Variants in CPNE8 observed in about 807,000 individuals in gnomAD.
CPNE8 encodes the protein copine-8.
A neutral mutation model predicts 81.5 loss-of-function variants in CPNE8; 45 were observed. That is an observed-to-expected ratio of 0.55 (90% CI 0.44 to 0.71). CPNE8 has a LOEUF of 0.71. CPNE8 is among the 30% of genes least tolerant of loss of function. CPNE8 has a pLI of 0.00. For synonymous variants in CPNE8, 252 were observed against 226.3 expected, an observed-to-expected ratio of 1.11 and a Z score of -1.02; for missense variants, 594 against 672.1, an observed-to-expected ratio of 0.88 and a Z score of 1.28.
chr12:38,673,334 C>T (rs1439009482), intron 18 of CPNE8, among the ~76,000 whole-genome samples: 1 of 152,020 alleles, frequency 6.6e-6, no homozygotes, highest in Non-Finnish European at 1.5e-5. Flanking sequence ...ATACAATTTG[C>T]CAGTTGGATT....
At chr12:38,901,387 G>C (rs1944460011) in intron 1 of CPNE8, among the ~76,000 whole-genome samples, 1 of 152,136 alleles carries the variant, frequency 6.6e-6, no homozygotes, top group Non-Finnish European at 1.5e-5. Context: ...CAGTGAAATA[G>C]TGCAACAAAA....
At chr12:38,743,014 C>T (rs1408805884) in intron 10 of CPNE8, among the ~76,000 whole-genome samples, 2 of 151,932 alleles carry the variant, frequency 1.3e-5, no homozygotes, top group Non-Finnish European at 2.9e-5. Flanking sequence ...CCCTCCATAG[C>T]ATAGCATACA....
At chr12:38,790,180 A>G (rs1227027992) in intron 6 of CPNE8, among the ~76,000 whole-genome samples, 1 of 151,806 alleles carries the variant, frequency 6.6e-6, no homozygotes, top group Non-Finnish European at 1.5e-5. Flanking sequence ...AGCACTGTTT[A>G]CAACAGTCAA....
At chr12:38,865,880 T>A (rs1331015749) in intron 3 of CPNE8, among the ~76,000 whole-genome samples, 1 of 152,234 alleles carries the variant, frequency 6.6e-6, no homozygotes, top group East Asian at 1.9e-4. Flanking sequence ...ACACATGATA[T>A]GCACAGAGCT....
At chr12:38,873,708 ATT>A (rs1225473116) in intron 2 of CPNE8, among the ~76,000 whole-genome samples, 2 of 152,150 alleles carry the variant, frequency 1.3e-5, no homozygotes, top group Non-Finnish European at 2.9e-5. Context: ...ATTCAACCAT[ATT>A]TGTTCACACA....
At position 38,742,778 on chromosome 12, in the gene CPNE8, T is replaced by A. The variant is rs115439433; in HGVS notation, c.723-12420A>T. On this transcript the variant is annotated intron_variant, in intron 10 of 19. Transcript: ENST00000331366. ...CTTCTGTTGTTTGCTATGTTTATTT[T>A]GTTCTATGTACAATACAATGTAAAC... Among the ~76,000 whole-genome samples the A allele has an allele frequency of 4.6e-3, 705 of 152,044 alleles. 4 individuals carry two copies. Among genetic ancestry groups the A allele is most frequent in the African/African-American group, 0.016 (655 of 41,534 alleles).
intron 1 of CPNE8, among the ~76,000 whole-genome samples, chr12:38,901,025 C>T (rs1944454306): frequency 1.3e-5 from 2 of 152,088 alleles, no homozygotes; most frequent in African/African-American, 4.8e-5. Flanking sequence ...AGTTCCAGAC[C>T]AGCTGGCCAA....
At chr12:38,846,466 A>G (rs1943562341) in intron 4 of CPNE8, among the ~76,000 whole-genome samples, 1 of 152,126 alleles carries the variant, frequency 6.6e-6, no homozygotes, top group South Asian at 2.1e-4. Context: ...AAAAGTGGCA[A>G]TTGGTGAGTG....
chr12:38,797,155 A>G (rs1328024953), intron 6 of CPNE8, among the ~76,000 whole-genome samples: 4 of 152,198 alleles, frequency 2.6e-5, no homozygotes, highest in Non-Finnish European at 5.9e-5. Context: ...TAACCTCTGC[A>G]GACGTAAATG....
rs869168296 is a variant in CPNE8 at position 38,817,614 on chromosome 12, C to CTTTTTTTT, written c.407+11757_407+11764dup. On this transcript the variant is annotated intron_variant, in intron 6 of 19. Coordinates refer to ENST00000331366, the MANE Select transcript of CPNE8 (RefSeq NM_153634.3). ...GTTTAAAGTTACACATTAATTTATT[C>CTTTTTTTT]TTTTTTTTTTTTTTTTTTTTTTTGT... Among the ~76,000 whole-genome samples, 58 of 90,614 alleles carry CTTTTTTTT rather than the reference C, an allele frequency of 6.4e-4. 3 individuals are homozygous for CTTTTTTTT. The highest frequency in any genetic ancestry group is 8.3e-4 in the Non-Finnish European group (42 of 50,822). 59.4% of individuals were successfully genotyped at this position (90,614 alleles called of 152,430 possible).
intron 18 of CPNE8, among the ~76,000 whole-genome samples, chr12:38,672,189 G>T (rs930134728): frequency 3.3e-5 from 5 of 152,006 alleles, no homozygotes; most frequent in African/African-American, 1.2e-4. Flanking sequence ...TGCTAAAATG[G>T]GAAACAAGAA....
chr12:38,717,770 T>A (rs139717200), intron 13 of CPNE8, among the ~76,000 whole-genome samples: 1 of 151,256 alleles, frequency 6.6e-6, no homozygotes, highest in East Asian at 2.0e-4. Context: ...AAAGAACTTA[T>A]CCATGCAACC....
rs140142030 is a variant in CPNE8 at position 38,868,440 on chromosome 12, C to T, written c.186+4564G>A. On this transcript the variant is annotated intron_variant, in intron 3 of 19. Transcript: ENST00000331366. ...CTTTTCATACTTATAAAATAGTGTT[C>T]AATACTTAAAAGATACTTGGTAGAA... 7.6e-3 allele frequency among the ~76,000 whole-genome samples: 1,152 copies of T among 152,064 alleles called. 5 individuals are homozygous for T. The highest frequency in any genetic ancestry group is 0.021 in the Middle Eastern group (6 of 292).
At chr12:38,726,567 C>A (rs1037816853) in intron 11 of CPNE8, 2 of 152,110 alleles carry the variant, frequency 1.3e-5, no homozygotes, top group African/African-American at 2.4e-5. Flanking sequence ...TTCCGCAATT[C>A]TTCCAGATAA....
chr12:38,905,392 C>G, intron 1 of CPNE8, 45 bp downstream of exon 1: 1 of 1,542,736 alleles, frequency 6.5e-7, no homozygotes, highest in Non-Finnish European at 8.7e-7. Flanking sequence ...GCTACCAACC[C>G]CACAGATGAG....
intron 1 of CPNE8, among the ~76,000 whole-genome samples, chr12:38,899,171 T>A (rs1944426367): frequency 6.6e-6 from 1 of 152,140 alleles, no homozygotes; most frequent in Non-Finnish European, 1.5e-5. Flanking sequence ...ATGAACTGAA[T>A]GTTTGCGTCC....
chr12:38,729,994 G>A (rs1940794138), intron 11 of CPNE8, among the ~76,000 whole-genome samples: 1 of 151,748 alleles, frequency 6.6e-6, no homozygotes, highest in East Asian at 1.9e-4. Flanking sequence ...AGAGGAGGTT[G>A]GTAAAAAGGC....
At chr12:38,880,760 T>C (rs1334540950) in intron 1 of CPNE8, among the ~76,000 whole-genome samples, 1 of 152,200 alleles carries the variant, frequency 6.6e-6, no homozygotes, top group Non-Finnish European at 1.5e-5. Context: ...ATGCAATGTT[T>C]AATTCTCTCT....
At chr12:38,842,849 GATTACA>G (rs1943496030) in intron 4 of CPNE8, among the ~76,000 whole-genome samples, 1 of 151,998 alleles carries the variant, frequency 6.6e-6, no homozygotes, top group African/African-American at 2.4e-5. Flanking sequence ...AAAGTGCTGG[GATTACA>G]GGCGTGAGCC....
Sources: gnomAD v4.1 joint callset for allele counts (sites outside exome capture counted in the v4.1 genomes callset) on GRCh38, gnomAD v4.1.1 for gene constraint, MANE v1.5 for transcripts, NCBI Gene and HGNC (gene_info 2026-07-23, HGNC 2026-07-21) for gene names.